Variants in PPP2R2A observed in about 807,000 individuals in gnomAD.
PPP2R2A encodes the protein serine/threonine-protein phosphatase 2A 55 kDa regulatory subunit B alpha isoform.
A neutral mutation model predicts 53.2 loss-of-function variants in PPP2R2A; 9 were observed. The observed-to-expected ratio is 0.17, with a 90% CI of 0.10 to 0.30. The LOEUF is 0.30. PPP2R2A is among the 10% of genes least tolerant of loss of function. The pLI, the probability that PPP2R2A is intolerant of heterozygous loss-of-function variation, is 1.00. For missense variants in PPP2R2A, 235 were observed against 534.6 expected, an observed-to-expected ratio of 0.44 and a Z score of 5.53; for synonymous variants, 169 against 174.2, an observed-to-expected ratio of 0.97 and a Z score of 0.23.
chr8:26,319,497 CTT>C (rs1802726383), intron 2 of PPP2R2A, among the ~76,000 whole-genome samples: 1 of 152,108 alleles, frequency 6.6e-6, no homozygotes, highest in African/African-American at 2.4e-5. Flanking sequence ...ACTTCTAGGT[CTT>C]TAGCCCTTTG....
chr8:26,313,260 C>G (rs903922009), intron 2 of PPP2R2A, among the ~76,000 whole-genome samples: 4 of 152,080 alleles, frequency 2.6e-5, no homozygotes, highest in African/African-American at 4.8e-5. Context: ...ATCTCAAACC[C>G]CTGACCTCAG....
intron 2 of PPP2R2A, among the ~76,000 whole-genome samples, chr8:26,302,141 C>G (rs566935094): frequency 1.1e-4 from 17 of 152,150 alleles, no homozygotes; most frequent in Admixed American, 2.0e-4. Context: ...TGGAACATCA[C>G]TTTTATTTGA....
chr8:26,324,023 G>A (rs1402970438), intron 2 of PPP2R2A, among the ~76,000 whole-genome samples: 4 of 152,160 alleles, frequency 2.6e-5, no homozygotes, highest in Non-Finnish European at 4.4e-5. Flanking sequence ...TTTTACCGTG[G>A]CCTACAAGGC....
chr8:26,361,933 C>G (rs960449585), intron 6 of PPP2R2A, among the ~76,000 whole-genome samples: 1 of 150,524 alleles, frequency 6.6e-6, no homozygotes. Context: ...TGCACTCCAG[C>G]CTGGGCAACA....
At chr8:26,319,429 A>G (rs547239374) in intron 2 of PPP2R2A, among the ~76,000 whole-genome samples, 5 of 152,308 alleles carry the variant, frequency 3.3e-5, no homozygotes, top group South Asian at 2.1e-4. Flanking sequence ...TTCACCAGCA[A>G]TACGCAAGGG....
At chr8:26,295,280 G>A (rs1252820664) in intron 2 of PPP2R2A, among the ~76,000 whole-genome samples, 2 of 152,116 alleles carry the variant, frequency 1.3e-5, no homozygotes, top group Non-Finnish European at 2.9e-5. Flanking sequence ...TAAACATTAC[G>A]CAGAAAGATC....
chr8:26,325,246 A>G (rs1170142111), intron 2 of PPP2R2A, among the ~76,000 whole-genome samples: 2 of 151,718 alleles, frequency 1.3e-5, no homozygotes, highest in African/African-American at 4.8e-5. Flanking sequence ...TGGGGGGGTA[A>G]TTGAATCATG....
Position 26,370,554 on chromosome 8 carries a change from A to G in PPP2R2A, c.*141A>G, listed in dbSNP as rs1805619351. 1 of 925,242 alleles carries G rather than the reference A, an allele frequency of 1.1e-6. No individual in the cohort carries two copies. The highest frequency in any genetic ancestry group is 1.7e-5 in the African/African-American group (1 of 59,994). The allele number at this position is 925,242 out of a possible 1,614,324, so 57.3% of individuals were successfully genotyped here. On this transcript the variant is annotated 3_prime_UTR_variant, in exon 10 of 10. Coordinates refer to ENST00000380737, the MANE Select transcript of PPP2R2A (RefSeq NM_002717.4). The surrounding 1 kb of genome is among the most constrained non-coding windows in gnomAD (Gnocchi z 6.1). The stretch of plus-strand genomic sequence containing the variant: ...GTGTGCCATTCGACAACACATTGTT[A>G]TAGCTACATGGAGAAAGCTCTGTGG...
At chr8:26,333,469 T>A in intron 2 of PPP2R2A, 2 of 1,185,112 alleles carry the variant, frequency 1.7e-6, no homozygotes, top group Non-Finnish European at 2.2e-6. Context: ...CTTTGCACTT[T>A]GATTAATTTC....
At position 26,362,566 on chromosome 8, in the gene PPP2R2A, G is replaced by T. The variant is rs538198833; in HGVS notation, c.638-118G>T. 3 of 893,832 alleles carry T rather than the reference G, an allele frequency of 3.4e-6. No homozygotes were observed. Among genetic ancestry groups the T allele is most frequent in the Admixed American group, 2.8e-5 (1 of 35,750 alleles). The allele number at this position is 893,832 out of a possible 1,614,324, so 55.4% of individuals were successfully genotyped here. A position where few individuals can be genotyped will look rare whatever the true frequency, so the allele number is the denominator to read the frequency against. The stretch of plus-strand genomic sequence containing the variant: ...AATTTATACTCATAAAAACAGTGGA[G>T]TGCAATTCAGAATTAATATTTTTGC... On this transcript the variant is annotated intron_variant, in intron 6 of 9. Transcript: ENST00000380737. This position sits in a 1 kb window ranked among gnomAD's most constrained non-coding sequence, Gnocchi z 4.4.
At chr8:26,369,551 A>T (rs913090467) in intron 9 of PPP2R2A, among the ~76,000 whole-genome samples, 1 of 152,012 alleles carries the variant, frequency 6.6e-6, no homozygotes, top group Non-Finnish European at 1.5e-5. Context: ...CCACCACGCC[A>T]GGCTAATTTT....
intron 6 of PPP2R2A, among the ~76,000 whole-genome samples, chr8:26,361,386 T>A (rs775160501): frequency 1.3e-4 from 20 of 152,224 alleles, no homozygotes; most frequent in Non-Finnish European, 2.5e-4. Flanking sequence ...TTAAGGAATT[T>A]GTCTATTGTA....
chr8:26,316,483 C>T (rs1175442676), intron 2 of PPP2R2A, among the ~76,000 whole-genome samples: 2 of 152,172 alleles, frequency 1.3e-5, no homozygotes, highest in Non-Finnish European at 2.9e-5. Flanking sequence ...GAGAAAACTT[C>T]AGCTTTCTTA....
chr8:26,357,514 ATTCTCT>A (rs1428023599), intron 4 of PPP2R2A, among the ~76,000 whole-genome samples: 5 of 152,210 alleles, frequency 3.3e-5, no homozygotes, highest in Non-Finnish European at 7.4e-5. Flanking sequence ...AAGCATTTTA[ATTCTCT>A]TTCTCTTTAA....
chr8:26,316,140 G>A (rs759060930), intron 2 of PPP2R2A, among the ~76,000 whole-genome samples: 4 of 151,972 alleles, frequency 2.6e-5, no homozygotes, highest in Admixed American at 6.6e-5. Flanking sequence ...GAGTAGCTGG[G>A]ACTACAGACA....
chr8:26,296,083 T>C (rs1407634317), intron 2 of PPP2R2A, among the ~76,000 whole-genome samples: 1 of 152,222 alleles, frequency 6.6e-6, no homozygotes, highest in African/African-American at 2.4e-5. Context: ...TGCCTTAATC[T>C]TCTTTGCATA....
intron 3 of PPP2R2A, among the ~76,000 whole-genome samples, chr8:26,346,936 G>T (rs1235743064): frequency 1.3e-5 from 2 of 152,204 alleles, no homozygotes; most frequent in Non-Finnish European, 2.9e-5. Flanking sequence ...CGCCTCAAAT[G>T]TCGGGGTGTC....
intron 8 of PPP2R2A, among the ~76,000 whole-genome samples, chr8:26,364,521 C>T (rs1805269646): frequency 6.6e-6 from 1 of 152,194 alleles, no homozygotes; most frequent in Non-Finnish European, 1.5e-5. Flanking sequence ...TGAGGGACAG[C>T]ACAAACCTGT....
intron 6 of PPP2R2A, among the ~76,000 whole-genome samples, chr8:26,361,740 A>G (rs1314436039): frequency 1.3e-5 from 2 of 152,064 alleles, no homozygotes; most frequent in Admixed American, 6.6e-5. Context: ...TGGGTGGATC[A>G]CCTAAGGTCA....
Sources: allele counts gnomAD v4.1 joint callset (sites outside exome capture counted in the v4.1 genomes callset), GRCh38; gene constraint gnomAD v4.1.1; non-coding constraint Gnocchi (gnomAD v3.1); transcripts MANE v1.5; gene names NCBI Gene and HGNC (gene_info 2026-07-23, HGNC 2026-07-21).